Variants in LOXHD1 observed in about 807,000 individuals in gnomAD.
The protein encoded by LOXHD1 is lipoxygenase homology domain-containing protein 1.
A neutral mutation model predicts 248.2 loss-of-function variants in LOXHD1; 205 were observed. The observed-to-expected ratio is 0.83, with a 90% CI of 0.74 to 0.93. The LOEUF (loss-of-function observed/expected upper bound fraction) is 0.93. LOXHD1 is among the 40% of genes least tolerant of loss of function. The pLI is 0.00. For missense variants in LOXHD1, 2,930 were observed against 2,971.6 expected, an observed-to-expected ratio of 0.99 and a Z score of 0.33; for synonymous variants, 1,113 against 1,162.8, an observed-to-expected ratio of 0.96 and a Z score of 0.87.
intron 29 of LOXHD1, among the ~76,000 whole-genome samples, 163 bp downstream of exon 29, chr18:46,529,014 A>T (rs1318841909): frequency 6.6e-6 from 1 of 152,080 alleles, no homozygotes; most frequent in Non-Finnish European, 1.5e-5. Context: ...GGAGAGGGGA[A>T]TAAGGCACAC....
chr18:46,580,984 T>C (rs1469682770), intron 12 of LOXHD1, among the ~76,000 whole-genome samples: 1 of 152,022 alleles, frequency 6.6e-6, no homozygotes. Flanking sequence ...GTGTAGCGGG[T>C]CAAGGTAAGA....
chr18:46,542,189 C>T (rs2036589109), intron 24 of LOXHD1, among the ~76,000 whole-genome samples: 1 of 152,138 alleles, frequency 6.6e-6, no homozygotes, highest in African/African-American at 2.4e-5. Context: ...TAGGAGATGA[C>T]AGGAGAGTAG....
intron 12 of LOXHD1, among the ~76,000 whole-genome samples, chr18:46,585,530 A>G (rs544482705): frequency 7.9e-5 from 12 of 152,290 alleles, no homozygotes; most frequent in African/African-American, 2.9e-4. Flanking sequence ...AATATTTTTG[A>G]AAGAAAATAG....
intron 40 of LOXHD1, among the ~76,000 whole-genome samples, chr18:46,481,392 T>A (rs897552087): frequency 2.6e-5 from 4 of 152,064 alleles, no homozygotes; most frequent in African/African-American, 9.7e-5. Flanking sequence ...CAGGTTTTCA[T>A]CCAGCAGAGA....
intron 37 of LOXHD1, among the ~76,000 whole-genome samples, chr18:46,491,448 G>T (rs1390148428): frequency 6.6e-6 from 1 of 152,214 alleles, no homozygotes; most frequent in Non-Finnish European, 1.5e-5. Flanking sequence ...CGAGGTCAAC[G>T]CTGCTGGTCC....
intron 4 of LOXHD1, 133 bp downstream of exon 4, chr18:46,639,483 C>T: frequency 1.8e-6 from 2 of 1,117,978 alleles, no homozygotes; most frequent in Non-Finnish European, 2.5e-6. Context: ...TGGCCCTAAC[C>T]AACAGGAAGG....
chr18:46,650,162 A>G (rs1264343403), intron 1 of LOXHD1, among the ~76,000 whole-genome samples: 1 of 152,116 alleles, frequency 6.6e-6, no homozygotes, highest in Non-Finnish European at 1.5e-5. Flanking sequence ...TCTGCTACTC[A>G]TGTCTCCAAA....
chr18:46,481,241 T>C (rs945037173), intron 40 of LOXHD1, among the ~76,000 whole-genome samples: 9 of 152,322 alleles, frequency 5.9e-5, no homozygotes, highest in African/African-American at 1.9e-4. Context: ...GTCACCACGA[T>C]TAAACATGCC....
At position 46,601,339 on chromosome 18, in the gene LOXHD1, C is replaced by T. The variant is rs781193883; in HGVS notation, c.1012G>A (p.Val338Met). Reference sequence around the variant, plus strand: ...ATGTCCGTGCGGCCTCGGTCAAACACGCCGCCCTCCAGGAAGATTTTCCCA... The same window carrying T: ...ATGTCCGTGCGGCCTCGGTCAAACATGCCGCCCTCCAGGAAGATTTTCCCA... Reference protein sequence around the residue: ...NSGKIFLEGGVFDRGRTDIFH... With the variant: ...NSGKIFLEGGMFDRGRTDIFH... Residue 338 changes from valine to methionine, a missense_variant, in exon 8 of 41, where the codon GTG becomes ATG. By Grantham distance (21) the Val-to-Met change is conservative. Coordinates refer to ENST00000642948, the MANE Select transcript of LOXHD1 (RefSeq NM_001384474.1). 10 of 1,551,564 alleles carry T rather than the reference C, an allele frequency of 6.4e-6. No homozygotes were observed. Among genetic ancestry groups the T allele is most frequent in the African/African-American group, 1.4e-5 (1 of 73,010 alleles).
Position 46,618,270 on chromosome 18 carries a change from C to A in LOXHD1, c.532G>T (p.Val178Leu), listed in dbSNP as rs1319441687. Reference sequence around the variant, plus strand: ...GCACCAATTACATCACCAGTGTATACCTTGACTTCATACTTATTACCTAGG... The same window carrying A: ...GCACCAATTACATCACCAGTGTATAACTTGACTTCATACTTATTACCTAGG... ...MPRGNKYEVK[V>L]YTGDVIGAGT... The change falls in exon 5 of 41, where the codon GTA becomes TTA. Residue 178 changes from valine (V) to leucine (L), a missense_variant. Val to Leu is a conservative substitution (Grantham distance 32, BLOSUM62 1). Transcript: ENST00000642948. 1.3e-6 allele frequency: 2 copies of A among 1,550,980 alleles called. No individual in the cohort carries two copies. The highest frequency in any genetic ancestry group is 2.4e-5 in the East Asian group (1 of 40,922).
chr18:46,611,078 T>G (rs2038501357), intron 5 of LOXHD1, among the ~76,000 whole-genome samples, 154 bp from the exon 6 acceptor site: 1 of 152,230 alleles, frequency 6.6e-6, no homozygotes, highest in Non-Finnish European at 1.5e-5. Flanking sequence ...CTCCAGTCTC[T>G]GAACAAGGCA....
intron 4 of LOXHD1, 74 bp from the exon 5 acceptor site, chr18:46,618,364 C>T: frequency 1.0e-6 from 1 of 960,242 alleles, no homozygotes. Context: ...AAAGTAGCTA[C>T]CACACCATCT....
chr18:46,647,988 G>A (rs1199904278), intron 2 of LOXHD1, among the ~76,000 whole-genome samples: 1 of 152,194 alleles, frequency 6.6e-6, no homozygotes. Flanking sequence ...CAGGCACAGT[G>A]GCTCACACCT....
intron 20 of LOXHD1, chr18:46,557,767 G>A (rs2037402319): frequency 1.0e-6 from 1 of 985,330 alleles, no homozygotes; most frequent in African/African-American, 1.6e-5. Context: ...AGAGGCAGAA[G>A]AGAAGATAGG....
At chr18:46,493,420 C>T (rs574389688) in intron 37 of LOXHD1, among the ~76,000 whole-genome samples, 13 of 152,236 alleles carry the variant, frequency 8.5e-5, no homozygotes, top group Non-Finnish European at 1.5e-4. Flanking sequence ...TCTTCTTCCA[C>T]TAGGTTGTAA....
chr18:46,484,949 G>A lies in LOXHD1; in HGVS notation c.6182+70C>T, dbSNP rs1175914999. On this transcript the variant is annotated intron_variant, in intron 39 of 40. Coordinates refer to ENST00000642948, the MANE Select transcript of LOXHD1 (RefSeq NM_001384474.1). ...TTGTGTACCTATGGCTCCCACCCAAGAGGGAGATTCTCGGGGTCCTCCCTT... is the reference window on the plus strand; with the variant it reads ...TTGTGTACCTATGGCTCCCACCCAAAAGGGAGATTCTCGGGGTCCTCCCTT... 2.0e-6 allele frequency: 3 copies of A among 1,519,534 alleles called. No homozygotes were observed. The African/African-American group carries it at 4.1e-5, about 21-fold the overall frequency. 94.1% of individuals were successfully genotyped at this position (1,519,534 alleles called of 1,614,324 possible).
chr18:46,632,675 C>T lies in LOXHD1; in HGVS notation c.511+6941G>A, dbSNP rs542518129. On this transcript the variant is annotated intron_variant, in intron 4 of 40. Transcript: ENST00000642948. ...ATGGCAGGAGGGAAAATTCACTACA[C>T]TTCTGGAGCAATTTGATAGCCAAGA... Among the ~76,000 whole-genome samples, 203 of 152,198 alleles carry T rather than the reference C, an allele frequency of 1.3e-3. 6 individuals are homozygous for T. The South Asian group carries it at 0.041, about 31-fold the overall frequency.
At chr18:46,524,261 C>T (rs150905474) in intron 31 of LOXHD1, among the ~76,000 whole-genome samples, 1 of 152,340 alleles carries the variant, frequency 6.6e-6, no homozygotes, top group Non-Finnish European at 1.5e-5. Flanking sequence ...GTTTCCCCAT[C>T]TGCAAAGGGG....
intron 8 of LOXHD1, among the ~76,000 whole-genome samples, chr18:46,597,977 C>T (rs976854440): frequency 6.6e-6 from 1 of 150,662 alleles, no homozygotes; most frequent in Admixed American, 6.6e-5. Flanking sequence ...CCATGTTAGC[C>T]AGGCTGGTCT....
Sources: allele counts gnomAD v4.1 joint callset (sites outside exome capture counted in the v4.1 genomes callset), GRCh38; gene constraint gnomAD v4.1.1; transcripts MANE v1.5; gene names NCBI Gene and HGNC (gene_info 2026-07-23, HGNC 2026-07-21).